Variants in OSTN observed in about 807,000 individuals in gnomAD.
OSTN encodes osteocrin.
In OSTN, 9 loss-of-function variants were observed where a neutral mutation model predicts 12.0. The ratio of observed to expected loss-of-function variants is 0.75; its 90% CI spans 0.45 to 1.30. The LOEUF is 1.30. Ranked by LOEUF, OSTN falls within the 50% of genes most tolerant of loss-of-function variation. The pLI, the probability that OSTN is intolerant of heterozygous loss-of-function variation, is 0.00. For synonymous variants in OSTN, 59 were observed against 56.9 expected (o/e 1.04, Z -0.16); for missense variants, 148 against 152.3 (o/e 0.97, Z 0.15).
In OSTN at chr3:191,238,392, C is replaced by T. The variant is rs149694731; in HGVS notation, c.318-11645C>T. Among the ~76,000 whole-genome samples, 6 of 152,170 alleles carry T rather than the reference C, an allele frequency of 3.9e-5. No homozygotes were observed. In the East Asian group the frequency reaches 1.2e-3, roughly 29 times the overall value. On this transcript the variant is annotated intron_variant, in intron 3 of 4. Transcript: ENST00000682035. Reference sequence around the variant, plus strand: ...GGCAGATGCTTCCATTCTTGTGAGGCTCTGATTAGCCTCAGTAAATCTACA... The same window carrying T: ...GGCAGATGCTTCCATTCTTGTGAGGTTCTGATTAGCCTCAGTAAATCTACA...
At chr3:191,261,825 G>C (rs779350928) in intron 4 of OSTN, among the ~76,000 whole-genome samples, 1 of 152,218 alleles carries the variant, frequency 6.6e-6, no homozygotes, top group Non-Finnish European at 1.5e-5. Flanking sequence ...CAAATTCAAA[G>C]AAGTATTTTG....
chr3:191,260,913 C>T (rs973565931), intron 4 of OSTN, among the ~76,000 whole-genome samples: 15 of 152,188 alleles, frequency 9.9e-5, no homozygotes, highest in African/African-American at 3.6e-4. Flanking sequence ...CCAAAAAGTA[C>T]ACCAGAGATA....
In OSTN at chr3:191,265,076, T is replaced by C. The variant is rs1443303910; in HGVS notation, c.*2223T>C. On this transcript the variant is annotated 3_prime_UTR_variant, in exon 5 of 5. Coordinates refer to ENST00000682035, the MANE Select transcript of OSTN (RefSeq NM_198184.2). ...CCACTACTTCATTCAGAGTAGAAAATAAGTCAGCAATATACTAAATAATGG... is the reference window on the plus strand; with the variant it reads ...CCACTACTTCATTCAGAGTAGAAAACAAGTCAGCAATATACTAAATAATGG... 6.6e-6 allele frequency: 1 copy of C among 152,166 alleles called. No individual in the cohort carries two copies. The highest frequency in any genetic ancestry group is 1.5e-5 in the Non-Finnish European group (1 of 67,990). 9.4% of individuals were successfully genotyped at this position (152,166 alleles called of 1,614,324 possible). A position where few individuals can be genotyped will look rare whatever the true frequency, so the allele number is the denominator to read the frequency against.
intron 4 of OSTN, among the ~76,000 whole-genome samples, chr3:191,260,891 A>G (rs2108558133): frequency 6.6e-6 from 1 of 152,342 alleles, no homozygotes; most frequent in South Asian, 2.1e-4. Flanking sequence ...ATGAATATTC[A>G]TACACAAAGT....
In OSTN at chr3:191,250,883, A is replaced by G. The variant is rs150261235; in HGVS notation, c.*12+750A>G. The stretch of plus-strand genomic sequence containing the variant: ...TAATCATTTTATTTCATAAAGCAAT[A>G]CTATCACTATCTCCAATATCTTGAG... On this transcript the variant is annotated intron_variant, in intron 4 of 4. Transcript: ENST00000682035. Among the ~76,000 whole-genome samples, 3 of 152,302 alleles carry G rather than the reference A, an allele frequency of 2.0e-5. No homozygotes were observed. In the East Asian group the frequency reaches 5.8e-4, roughly 29 times the overall value.
intron 1 of OSTN, among the ~76,000 whole-genome samples, chr3:191,200,948 G>A (rs1714138990): frequency 6.6e-6 from 1 of 152,202 alleles, no homozygotes; most frequent in African/African-American, 2.4e-5. Context: ...AAACCATTCA[G>A]CTTCCCTGAA....
intron 4 of OSTN, among the ~76,000 whole-genome samples, chr3:191,259,325 G>A (rs7626990): frequency 0.19 from 29,234 of 151,628 alleles, 3,104 homozygotes; most frequent in Admixed American, 0.26. Context: ...CTCCCGAGTA[G>A]CCAGGAGCTA....
intron 3 of OSTN, among the ~76,000 whole-genome samples, chr3:191,241,664 A>G (rs1423165740): frequency 6.6e-6 from 1 of 152,214 alleles, no homozygotes; most frequent in Admixed American, 6.5e-5. Flanking sequence ...ATGGAAGGAA[A>G]AAAAGTTTTA....
At chr3:191,241,267 C>T (rs1238310121) in intron 3 of OSTN, among the ~76,000 whole-genome samples, 1 of 146,614 alleles carries the variant, frequency 6.8e-6, no homozygotes, top group African/African-American at 2.5e-5. Flanking sequence ...CAAGTTCCGC[C>T]TCCCGGGTTC....
chr3:191,215,680 A>G (rs937838106), intron 2 of OSTN, among the ~76,000 whole-genome samples: 5 of 152,200 alleles, frequency 3.3e-5, no homozygotes, highest in African/African-American at 1.2e-4. Flanking sequence ...ACCTTTGGAG[A>G]TCATTCCAAA....
chr3:191,222,383 T>G (rs1714788859), intron 3 of OSTN, among the ~76,000 whole-genome samples: 1 of 152,074 alleles, frequency 6.6e-6, no homozygotes, highest in African/African-American at 2.4e-5. Context: ...GGAGATTAAT[T>G]TGGAGCTTTA....
chr3:191,259,557 T>C (rs1056454099), intron 4 of OSTN, among the ~76,000 whole-genome samples: 2 of 151,704 alleles, frequency 1.3e-5, no homozygotes, highest in Non-Finnish European at 2.9e-5. Flanking sequence ...TAACCAAGGT[T>C]CTGACTTAAC....
At chr3:191,240,430 AG>A (rs1341464837) in intron 3 of OSTN, among the ~76,000 whole-genome samples, 1 of 152,164 alleles carries the variant, frequency 6.6e-6, no homozygotes, top group Non-Finnish European at 1.5e-5. Flanking sequence ...AAGTTTTCTA[AG>A]TTTTTTCTAG....
chr3:191,243,222 A>G (rs531591564), intron 3 of OSTN, among the ~76,000 whole-genome samples: 20 of 152,328 alleles, frequency 1.3e-4, no homozygotes, highest in African/African-American at 4.3e-4. Context: ...AAATTTGTAC[A>G]ATAACTTTGG....
At chr3:191,257,637 A>G (rs1178130588) in intron 4 of OSTN, among the ~76,000 whole-genome samples, 1 of 152,224 alleles carries the variant, frequency 6.6e-6, no homozygotes, top group African/African-American at 2.4e-5. Context: ...AAACAAATTA[A>G]TCAAGTATCA....
chr3:191,218,144 TAA>T (rs975395549), intron 2 of OSTN, among the ~76,000 whole-genome samples: 2 of 152,136 alleles, frequency 1.3e-5, no homozygotes, highest in Non-Finnish European at 2.9e-5. Context: ...ATGGGAATGA[TAA>T]GGAAGGATGA....
Position 191,263,533 on chromosome 3 carries a change from T to C in OSTN, c.*680T>C, listed in dbSNP as rs1324105725. 6.6e-6 allele frequency: 1 copy of C among 152,168 alleles called. No homozygotes were observed. Among genetic ancestry groups the C allele is most frequent in the Non-Finnish European group, 1.5e-5 (1 of 68,024 alleles). The allele number at this position is 152,168 out of a possible 1,614,324, so 9.4% of individuals were successfully genotyped here. A position where few individuals can be genotyped will look rare whatever the true frequency, so the allele number is the denominator to read the frequency against. On this transcript the variant is annotated 3_prime_UTR_variant, in exon 5 of 5. Coordinates refer to ENST00000682035, the MANE Select transcript of OSTN (RefSeq NM_198184.2). ...AAATTCTGACAGTTAAGAGCAGTAG[T>C]GTCTCATTAGGAGGGGAGTAAGCTC... is the stretch of plus-strand genomic sequence containing the variant.
At chr3:191,262,293 T>A (rs948542823) in intron 4 of OSTN, among the ~76,000 whole-genome samples, 14 of 152,236 alleles carry the variant, frequency 9.2e-5, no homozygotes, top group African/African-American at 3.4e-4. Context: ...CTTCCACTAA[T>A]GTGAGACACA....
chr3:191,203,011 T>G (rs1477249887), intron 1 of OSTN, among the ~76,000 whole-genome samples: 2 of 152,226 alleles, frequency 1.3e-5, no homozygotes, highest in East Asian at 3.8e-4. Context: ...AGGTTAGTGA[T>G]GCATGTAACT....
Sources: allele counts gnomAD v4.1 joint callset (sites outside exome capture counted in the v4.1 genomes callset), GRCh38; gene constraint gnomAD v4.1.1; transcripts MANE v1.5; gene names NCBI Gene and HGNC (gene_info 2026-07-23, HGNC 2026-07-21).